Variants in C8orf88 observed in about 807,000 individuals in gnomAD.
The protein encoded by C8orf88 is uncharacterized protein C8orf88.
C8orf88 carries 14 observed loss-of-function variants against 18.4 expected under a neutral mutation model. That is an observed-to-expected ratio of 0.76 (90% confidence interval 0.50 to 1.19). C8orf88 has a LOEUF of 1.19. Ranked by LOEUF, C8orf88 falls within the 50% of genes most tolerant of loss-of-function variation. C8orf88 has a pLI of 0.00. For missense variants in C8orf88, 116 were observed against 134.7 expected, an observed-to-expected ratio of 0.86 and a Z score of 0.69; for synonymous variants, 45 against 42.9, an observed-to-expected ratio of 1.05 and a Z score of -0.19.
chr8:90,960,172 G>C (rs540310668), intron 5 of C8orf88, among the ~76,000 whole-genome samples: 1 of 151,532 alleles, frequency 6.6e-6, no homozygotes, highest in South Asian at 2.1e-4. Flanking sequence ...TATTTATTAT[G>C]TGTATTTATT....
At chr8:90,977,367 A>C (rs1276591066) in intron 3 of C8orf88, among the ~76,000 whole-genome samples, 2 of 152,340 alleles carry the variant, frequency 1.3e-5, no homozygotes, top group East Asian at 3.9e-4. Flanking sequence ...AGTTGAAATT[A>C]AGAATACTTA....
At chr8:90,977,536 A>T (rs527830853) in intron 3 of C8orf88, among the ~76,000 whole-genome samples, 2 of 152,214 alleles carry the variant, frequency 1.3e-5, no homozygotes, top group Non-Finnish European at 2.9e-5. Flanking sequence ...ATATTAAAAG[A>T]TTGTTCTATA....
intron 5 of C8orf88, among the ~76,000 whole-genome samples, chr8:90,959,810 C>G (rs1811099455): frequency 6.6e-6 from 1 of 151,218 alleles, no homozygotes; most frequent in African/African-American, 2.4e-5. Context: ...TCAGAAGAGT[C>G]CTAGCTGCCT....
chr8:90,979,600 T>C (rs554381872), intron 2 of C8orf88, among the ~76,000 whole-genome samples: 70 of 152,314 alleles, frequency 4.6e-4, no homozygotes, highest in African/African-American at 1.6e-3. Flanking sequence ...CTTTTTTGCT[T>C]CATTTGTAAA....
intron 4 of C8orf88, among the ~76,000 whole-genome samples, chr8:90,968,670 A>ATATG (rs1811240353): frequency 7.7e-6 from 1 of 129,742 alleles, no homozygotes; most frequent in East Asian, 2.1e-4. Context: ...ATATATATAT[A>ATATG]TATATATATA....
chr8:90,982,763 AT>A (rs928096814), intron 1 of C8orf88, among the ~76,000 whole-genome samples: 28 of 151,680 alleles, frequency 1.8e-4, no homozygotes, highest in South Asian at 6.2e-4. Context: ...TCTGTTTAAT[AT>A]TTTTTTTTAA....
At chr8:90,967,480 T>C (rs1811217973) in intron 4 of C8orf88, among the ~76,000 whole-genome samples, 1 of 151,828 alleles carries the variant, frequency 6.6e-6, no homozygotes, top group Admixed American at 6.6e-5. Context: ...TTAGTGTTAA[T>C]TGTTCTTCAA....
In C8orf88 at chr8:90,975,647, T is replaced by C. The variant is rs903304489; in HGVS notation, c.147+2932A>G. 2.3e-4 allele frequency among the ~76,000 whole-genome samples: 35 copies of C among 152,126 alleles called. 1 individual carries two copies. The highest frequency in any genetic ancestry group is 2.2e-3 in the Admixed American group (33 of 15,280). ...AAAATAAAAAGATTGACCATTCTAA[T>C]GTTGGCAAGGCTGTGAAGCATCTGG... On this transcript the variant is annotated intron_variant, in intron 3 of 5. Transcript: ENST00000517562.
Position 90,980,456 on chromosome 8 carries a change from TC to T in C8orf88, c.-22del. ...TCCATTGTCACAAAGACTTTGAGGT[TC>T]CATACTAGAAGACAAAAAAATACAT... is the stretch of plus-strand genomic sequence containing the variant. On this transcript the variant is annotated 5_prime_UTR_variant, in exon 2 of 6. Coordinates refer to ENST00000517562, the MANE Select transcript of C8orf88 (RefSeq NM_001190972.2). 6.9e-7 allele frequency: 1 copy of T among 1,451,910 alleles called. No individual in the cohort carries two copies. The allele number at this position is 1,451,910 out of a possible 1,614,324, so 89.9% of individuals were successfully genotyped here.
At chr8:90,965,914 T>C (rs1811188094) in intron 4 of C8orf88, among the ~76,000 whole-genome samples, 1 of 151,754 alleles carries the variant, frequency 6.6e-6, no homozygotes. Flanking sequence ...TATAAATGTC[T>C]ATATTAAAAA....
chr8:90,974,213 C>T (rs1218658414), intron 3 of C8orf88, among the ~76,000 whole-genome samples: 3 of 152,078 alleles, frequency 2.0e-5, no homozygotes, highest in South Asian at 2.1e-4. Flanking sequence ...CTGCTCCTAC[C>T]AATATACATT....
At chr8:90,971,735 ATAAGATTGGCTAAGCTAAT>A (rs1256932814) in intron 3 of C8orf88, among the ~76,000 whole-genome samples, 2 of 147,822 alleles carry the variant, frequency 1.4e-5, no homozygotes, top group Non-Finnish European at 3.1e-5. Flanking sequence ...CATCTTTATG[ATAAGATTGGCTAAGCTAAT>A]CTGATGATAT....
intron 4 of C8orf88, among the ~76,000 whole-genome samples, chr8:90,962,676 T>C (rs993619323): frequency 6.6e-6 from 1 of 151,620 alleles, no homozygotes; most frequent in Non-Finnish European, 1.5e-5. Context: ...CAGACTTTAT[T>C]CTCAAAAAAT....
intron 3 of C8orf88, among the ~76,000 whole-genome samples, chr8:90,971,706 CCA>C (rs538648210): frequency 0.013 from 2,036 of 152,048 alleles, 16 homozygotes; most frequent in South Asian, 0.042. Context: ...CAGAGTTTTT[CCA>C]GTCTCACTTG....
chr8:90,966,887 T>C lies in C8orf88; in HGVS notation c.223+4179A>G, dbSNP rs997248029. 3.3e-5 allele frequency among the ~76,000 whole-genome samples: 5 copies of C among 152,032 alleles called. 1 individual carries two copies. The highest frequency in any genetic ancestry group is 3.3e-4 in the Admixed American group (5 of 15,238). On this transcript the variant is annotated intron_variant, in intron 4 of 5. Coordinates refer to ENST00000517562, the MANE Select transcript of C8orf88 (RefSeq NM_001190972.2). ...ATGCTGCCCAGCATCATGAGAAAAG[T>C]ACAGTTTCTACTGAACAGATATTGT...
At chr8:90,969,540 AG>A (rs1389368170) in intron 4 of C8orf88, among the ~76,000 whole-genome samples, 2 of 151,944 alleles carry the variant, frequency 1.3e-5, no homozygotes, top group Non-Finnish European at 1.5e-5. Context: ...AATTGAAAAA[AG>A]GTGACATATT....
rs139321056 is a variant in C8orf88 at position 90,963,880 on chromosome 8, AAGG to A, written c.224-3035_224-3033del. Among the ~76,000 whole-genome samples the A allele has an allele frequency of 9.1e-3, 1,378 of 151,714 alleles. 20 individuals are homozygous for A. Among genetic ancestry groups the A allele is most frequent in the African/African-American group, 0.031 (1,291 of 41,486 alleles). ...GGAGTCCCAGGAGAAGAGAGAGAAA[AAGG>A]AGAAGAAATGATATTTGAAGAAATC... On this transcript the variant is annotated intron_variant, in intron 4 of 5. Transcript: ENST00000517562.
At chr8:90,965,215 G>C (rs908454726) in intron 4 of C8orf88, among the ~76,000 whole-genome samples, 2 of 151,684 alleles carry the variant, frequency 1.3e-5, no homozygotes, top group African/African-American at 4.8e-5. Flanking sequence ...AACCAAAAGA[G>C]AGCTGAAGTG....
chr8:90,971,004 T>C (rs939726482), intron 4 of C8orf88, 62 bp downstream of exon 4: 8 of 963,396 alleles, frequency 8.3e-6, no homozygotes, highest in African/African-American at 5.0e-5. Flanking sequence ...TAAAGTAATA[T>C]TAACTTTATA....
Sources: allele counts gnomAD v4.1 joint callset (sites outside exome capture counted in the v4.1 genomes callset), GRCh38; gene constraint gnomAD v4.1.1; transcripts MANE v1.5; gene names NCBI Gene and HGNC (gene_info 2026-07-23, HGNC 2026-07-21).